Variants in ZNF423 observed in about 807,000 individuals in gnomAD.
The protein encoded by ZNF423 is Ebf-associated zinc finger protein.
In ZNF423, 12 loss-of-function variants were observed where a neutral mutation model predicts 95.8. That is an observed-to-expected ratio of 0.13 (90% confidence interval 0.08 to 0.20). The LOEUF (loss-of-function observed/expected upper bound fraction) is 0.20. Ranked by LOEUF, ZNF423 falls within the 10% of genes least tolerant of loss-of-function variation. The probability of loss-of-function intolerance (pLI) is 1.00; values close to 1 mark genes in which losing one functional copy is unlikely to be tolerated. For missense variants in ZNF423, 1,316 were observed against 1,737.1 expected (o/e 0.76, Z 4.31); for synonymous variants, 749 against 711.9 (o/e 1.05, Z -0.83).
chr16:49,572,615 A>G (rs1470006609), intron 5 of ZNF423, among the ~76,000 whole-genome samples: 2 of 152,162 alleles, frequency 1.3e-5, no homozygotes, highest in East Asian at 3.9e-4. Flanking sequence ...AAGTGGCATG[A>G]TCAAGTGTGG....
intron 5 of ZNF423, among the ~76,000 whole-genome samples, chr16:49,555,712 A>C (rs1490708144): frequency 2.0e-5 from 3 of 152,210 alleles, no homozygotes; most frequent in African/African-American, 7.2e-5. Context: ...TGGTAGATGG[A>C]AGAATGAATG....
chr16:49,631,610 T>C (rs763669832), intron 4 of ZNF423, among the ~76,000 whole-genome samples: 1 of 152,088 alleles, frequency 6.6e-6, no homozygotes, highest in Non-Finnish European at 1.5e-5. Flanking sequence ...CCTGAGCAAC[T>C]GCAGAGGGGG....
At chr16:49,548,666 A>G (rs955315410) in intron 5 of ZNF423, among the ~76,000 whole-genome samples, 7 of 152,176 alleles carry the variant, frequency 4.6e-5, no homozygotes, top group African/African-American at 1.7e-4. Context: ...GAAGGGAGAG[A>G]AGGAGACAGC....
intron 3 of ZNF423, chr16:49,711,359 C>T (rs1163170816): frequency 6.6e-6 from 1 of 152,164 alleles, no homozygotes. Context: ...GCAAGCCCCA[C>T]AGCAGCTAAT....
intron 1 of ZNF423, among the ~76,000 whole-genome samples, chr16:49,823,648 GA>G (rs34244506): frequency 2.3e-4 from 34 of 151,046 alleles, no homozygotes; most frequent in African/African-American, 5.3e-4. Context: ...CTTGTTGGGG[GA>G]AAAAAAAAGG....
chr16:49,781,059 C>T (rs1159633640), intron 2 of ZNF423, among the ~76,000 whole-genome samples: 1 of 152,180 alleles, frequency 6.6e-6, no homozygotes, highest in Admixed American at 6.5e-5. Flanking sequence ...TGGGACATCC[C>T]ACAGGTGACC....
At chr16:49,504,639 C>T (rs1203502093) in intron 7 of ZNF423, among the ~76,000 whole-genome samples, 2 of 152,174 alleles carry the variant, frequency 1.3e-5, no homozygotes, top group African/African-American at 2.4e-5. Context: ...AGGGTTGCTG[C>T]ACCAATAGCT....
intron 3 of ZNF423, among the ~76,000 whole-genome samples, chr16:49,663,389 C>T (rs987166234): frequency 1.3e-5 from 2 of 152,146 alleles, no homozygotes; most frequent in Admixed American, 6.5e-5. Flanking sequence ...ACTGAGGCCC[C>T]CCAGCCCACC....
At chr16:49,784,148 C>T (rs753779709) in intron 2 of ZNF423, among the ~76,000 whole-genome samples, 8 of 152,102 alleles carry the variant, frequency 5.3e-5, no homozygotes, top group Admixed American at 2.0e-4. Flanking sequence ...GGTCTGGTGG[C>T]TCCTCCAAAG....
rs776030763 is a variant in ZNF423 at position 49,823,258 on chromosome 16, G to C, written c.40+32477C>G. Among the ~76,000 whole-genome samples, 5 of 152,190 alleles carry C rather than the reference G, an allele frequency of 3.3e-5. No homozygotes were observed. The East Asian group carries it at 5.8e-4, about 18-fold the overall frequency. On this transcript the variant is annotated intron_variant, in intron 1 of 7. Coordinates refer to ENST00000563137, the MANE Select transcript of ZNF423 (RefSeq NM_001379286.1). The stretch of plus-strand genomic sequence containing the variant: ...CAGAAGCCTCACTTCTCCATTTCAC[G>C]GGGCTTCTGTTCAGAGCAACCTTTT...
At chr16:49,641,299 C>G (rs1409880256) in intron 3 of ZNF423, among the ~76,000 whole-genome samples, 1 of 152,192 alleles carries the variant, frequency 6.6e-6, no homozygotes, top group African/African-American at 2.4e-5. Context: ...GCCAAACAGT[C>G]AAATAAGACC....
At position 49,523,711 on chromosome 16, in the gene ZNF423, C is replaced by G; in HGVS notation, c.3762G>C (p.Gln1254His). ...TVFVQANKLQ[Q>H]HIFAVHGQED... ...CCTGCCCGTGCACGGCAAAGATGTGCTGCTGCAACTTGTTGGCCTGGACGA... is the reference window on the plus strand; with the variant it reads ...CCTGCCCGTGCACGGCAAAGATGTGGTGCTGCAACTTGTTGGCCTGGACGA... The change falls in exon 7 of 8, where the codon CAG (glutamine) becomes CAC (histidine). Residue 1254 changes from glutamine (Q) to histidine (H), a missense_variant. By Grantham distance (24) the Gln-to-His change is conservative. Transcript: ENST00000563137. The G allele has an allele frequency of 1.2e-6, 2 of 1,614,034 alleles. No homozygotes were observed. The highest frequency in any genetic ancestry group is 1.7e-6 in the Non-Finnish European group (2 of 1,180,028).
intron 1 of ZNF423, chr16:49,853,736 C>G: frequency 1.0e-6 from 1 of 985,358 alleles, no homozygotes; most frequent in Non-Finnish European, 1.2e-6. Context: ...GAGTCCTTCT[C>G]AGAGATCCAC....
At chr16:49,591,122 C>A (rs1041457038) in intron 5 of ZNF423, among the ~76,000 whole-genome samples, 1 of 152,132 alleles carries the variant, frequency 6.6e-6, no homozygotes, top group Admixed American at 6.5e-5. Context: ...CACTGGAAAC[C>A]AAACCAAGTG....
chr16:49,762,805 C>T (rs1488807487), intron 2 of ZNF423, among the ~76,000 whole-genome samples: 6 of 152,198 alleles, frequency 3.9e-5, no homozygotes, highest in Admixed American at 6.5e-5. Context: ...ACCAGCCCAA[C>T]GCTTGGTCTT....
upstream of ZNF423, among the ~76,000 whole-genome samples, chr16:49,858,724 C>CA (rs947351018): frequency 6.4e-4 from 92 of 142,968 alleles, 1 homozygote; most frequent in Admixed American, 6.3e-3. This position sits in a 1 kb window ranked among gnomAD's most constrained non-coding sequence, Gnocchi z 4.3. Flanking sequence ...GGAGCCCCCC[C>CA]CCCCACGCCC....
chr16:49,687,537 C>A (rs998244010), intron 3 of ZNF423, among the ~76,000 whole-genome samples: 3 of 152,192 alleles, frequency 2.0e-5, no homozygotes, highest in African/African-American at 7.2e-5. Context: ...ACCTCCGACT[C>A]TAGAATCAAA....
At chr16:49,592,889 C>A (rs1162473800) in intron 5 of ZNF423, among the ~76,000 whole-genome samples, 1 of 152,240 alleles carries the variant, frequency 6.6e-6, no homozygotes, top group Admixed American at 6.5e-5. Context: ...CTCAACTTCT[C>A]ACTGCCATCC....
chr16:49,703,242 C>T (rs882352), intron 3 of ZNF423, among the ~76,000 whole-genome samples: 4 of 152,108 alleles, frequency 2.6e-5, no homozygotes, highest in African/African-American at 9.7e-5. Context: ...TTCTTGAAAA[C>T]ATTTATTCTT....
Sources: allele counts gnomAD v4.1 joint callset (sites outside exome capture counted in the v4.1 genomes callset), GRCh38; gene constraint gnomAD v4.1.1; non-coding constraint Gnocchi (gnomAD v3.1); transcripts MANE v1.5; gene names NCBI Gene and HGNC (gene_info 2026-07-23, HGNC 2026-07-21).